Variants in IL18 observed in about 807,000 individuals in gnomAD.
The protein encoded by IL18 is interleukin-18.
IL18 carries 8 observed loss-of-function variants against 14.2 expected under a neutral mutation model. The ratio of observed to expected loss-of-function variants is 0.56; its 90% confidence interval spans 0.33 to 1.01. The LOEUF (loss-of-function observed/expected upper bound fraction) is 1.01. Among genes scored for constraint, IL18 ranks in the 50% least tolerant of loss-of-function variants. IL18 has a pLI of 0.03. For synonymous variants in IL18, 67 were observed against 71.0 expected (o/e 0.94, Z 0.28); for missense variants, 166 against 231.1 (o/e 0.72, Z 1.83).
intron 1 of IL18, among the ~76,000 whole-genome samples, chr11:112,156,840 T>A: frequency 6.6e-6 from 1 of 151,408 alleles, no homozygotes; most frequent in South Asian, 2.1e-4. Context: ...ATTTAAATAT[T>A]ATAAATATTA....
intron 1 of IL18, among the ~76,000 whole-genome samples, chr11:112,156,389 GCTCAT>G (rs901570510): frequency 2.6e-5 from 4 of 152,076 alleles, no homozygotes; most frequent in African/African-American, 9.6e-5. Context: ...AGTTCCTTAT[GCTCAT>G]CTAAGTGCGA....
intron 5 of IL18, among the ~76,000 whole-genome samples, chr11:112,147,005 A>G (rs956408315): frequency 6.9e-6 from 1 of 144,044 alleles, no homozygotes; most frequent in African/African-American, 2.6e-5. Flanking sequence ...ATCTAGGCTC[A>G]TCGCAACCTC....
intron 3 of IL18, chr11:112,150,703 A>G (rs529743016): frequency 1.4e-4 from 21 of 155,008 alleles, no homozygotes; most frequent in African/African-American, 4.8e-4. Context: ...CAATGGCACA[A>G]GCGTTCAAAT....
intron 4 of IL18, among the ~76,000 whole-genome samples, chr11:112,149,596 A>C (rs1246462450): frequency 5.1e-5 from 7 of 138,358 alleles, no homozygotes; most frequent in Non-Finnish European, 1.1e-4. Context: ...TTTTAGAGAC[A>C]AGGTCTGTAT....
intron 1 of IL18, among the ~76,000 whole-genome samples, chr11:112,162,341 CTTTTT>C (rs140882241): frequency 7.6e-6 from 1 of 131,192 alleles, no homozygotes. Context: ...CTTTTCTTTT[CTTTTT>C]TTTTTTTTTT....
intron 1 of IL18, among the ~76,000 whole-genome samples, chr11:112,162,328 T>A (rs923674602): frequency 6.9e-6 from 1 of 145,360 alleles, no homozygotes; most frequent in South Asian, 2.4e-4. Context: ...GCGATGTTTT[T>A]TTCTTTTCTT....
chr11:112,155,347 G>C (rs1866514123), intron 1 of IL18, among the ~76,000 whole-genome samples: 1 of 152,132 alleles, frequency 6.6e-6, no homozygotes, highest in African/African-American at 2.4e-5. Context: ...AGTATTCCTT[G>C]AGAAATATAA....
At chr11:112,160,602 T>A (rs890961240) in intron 1 of IL18, among the ~76,000 whole-genome samples, 1 of 152,136 alleles carries the variant, frequency 6.6e-6, no homozygotes, top group Non-Finnish European at 1.5e-5. Flanking sequence ...TACCACACAG[T>A]AAGAACTCAA....
chr11:112,160,356 C>G (rs1489617806), intron 1 of IL18, among the ~76,000 whole-genome samples: 1 of 151,160 alleles, frequency 6.6e-6, no homozygotes, highest in Admixed American at 6.6e-5. Context: ...TCTTTCATCC[C>G]GTAACTCCCA....
At chr11:112,149,939 C>T in intron 4 of IL18, 133 bp downstream of exon 4, 3 of 853,292 alleles carry the variant, frequency 3.5e-6, no homozygotes, top group Non-Finnish European at 5.4e-6. Context: ...ATAAAGTTTC[C>T]TGTAAGTGAA....
intron 1 of IL18, among the ~76,000 whole-genome samples, chr11:112,159,485 G>A (rs756296081): frequency 2.0e-4 from 31 of 152,236 alleles, no homozygotes; most frequent in Non-Finnish European, 3.8e-4. Context: ...ACTAAACAGC[G>A]GGATTTCTCA....
At chr11:112,160,762 G>T (rs1866618349) in intron 1 of IL18, among the ~76,000 whole-genome samples, 1 of 152,152 alleles carries the variant, frequency 6.6e-6, no homozygotes, top group African/African-American at 2.4e-5. Flanking sequence ...CAGGAGGGAA[G>T]CCTGAAAACA....
intron 1 of IL18, among the ~76,000 whole-genome samples, chr11:112,163,280 T>C (rs957200107): frequency 1.3e-5 from 2 of 152,192 alleles, no homozygotes; most frequent in East Asian, 3.8e-4. Flanking sequence ...CATGGGCAAA[T>C]TTTTTGTTTG....
intron 4 of IL18, among the ~76,000 whole-genome samples, chr11:112,149,611 C>T (rs1436149679): frequency 2.1e-5 from 3 of 143,422 alleles, no homozygotes; most frequent in African/African-American, 5.2e-5. Context: ...CTGTATATCA[C>T]CCAGGCTGGA....
At chr11:112,148,470 A>T (rs1355749570) in intron 5 of IL18, 133 bp downstream of exon 5, 1 of 392,804 alleles carries the variant, frequency 2.5e-6, no homozygotes, top group Non-Finnish European at 4.3e-6. Flanking sequence ...TTTCTGTTCT[A>T]GACAAAAGGT....
intron 1 of IL18, among the ~76,000 whole-genome samples, chr11:112,161,401 T>C (rs966534317): frequency 6.6e-6 from 1 of 152,236 alleles, no homozygotes; most frequent in Admixed American, 6.5e-5. Flanking sequence ...ACCATTGATA[T>C]GTGGCAAACG....
intron 3 of IL18, among the ~76,000 whole-genome samples, chr11:112,152,072 T>A (rs1383310585): frequency 6.6e-6 from 1 of 152,222 alleles, no homozygotes; most frequent in Non-Finnish European, 1.5e-5. Flanking sequence ...GAACCACATG[T>A]AGAAGAGTTT....
intron 3 of IL18, chr11:112,153,141 C>T (rs1222759052): frequency 6.5e-6 from 1 of 154,344 alleles, no homozygotes; most frequent in Non-Finnish European, 1.4e-5. Context: ...CCATTCCTAT[C>T]TCCTCTACTT....
At position 112,154,994 on chromosome 11, in the gene IL18, G is replaced by C; in HGVS notation, c.60C>G (p.Asp20Glu). The C allele has an allele frequency of 3.1e-6, 5 of 1,608,314 alleles. No individual in the cohort carries two copies. Among genetic ancestry groups the C allele is most frequent in the Non-Finnish European group, 4.3e-6 (5 of 1,174,910 alleles). ...CINFVAMKFIDNTLYFIAEDD... is the reference protein window; with the variant it reads ...CINFVAMKFIENTLYFIAEDD... The stretch of plus-strand genomic sequence containing the variant: ...CCTTACCTATAAAGTAAAGCGTATT[G>C]TCAATAAATTTCATTGCCACAAAGT... The change falls in exon 2 of 6, where the codon GAC becomes GAG. Residue 20 changes from aspartate (D) to glutamate (E), a missense_variant. Physicochemically the swap from Asp to Glu is conservative, Grantham distance 45. Coordinates refer to ENST00000280357, the MANE Select transcript of IL18 (RefSeq NM_001562.4).
Sources: gnomAD v4.1 joint callset for allele counts (sites outside exome capture counted in the v4.1 genomes callset) on GRCh38, gnomAD v4.1.1 for gene constraint, MANE v1.5 for transcripts, NCBI Gene and HGNC (gene_info 2026-07-23, HGNC 2026-07-21) for gene names.